PCNX1: variants seen among roughly 807,000 people sequenced by gnomAD.
PCNX1 encodes pecanex 1.
Under a neutral mutation model 242.2 loss-of-function variants are expected in PCNX1, and 78 were observed. That is an observed-to-expected ratio of 0.32 (90% CI 0.27 to 0.39). PCNX1 has a LOEUF of 0.39. Among genes scored for constraint, PCNX1 ranks in the 10% least tolerant of loss-of-function variants. The pLI is 1.00. For synonymous variants in PCNX1, 1,024 were observed against 1,032.9 expected, an observed-to-expected ratio of 0.99 and a Z score of 0.17; for missense variants, 2,581 against 2,856.5, an observed-to-expected ratio of 0.90 and a Z score of 2.20.
At chr14:70,950,092 T>A (rs1386386477) in intron 2 of PCNX1, among the ~76,000 whole-genome samples, 13 of 152,210 alleles carry the variant, frequency 8.5e-5, no homozygotes, top group East Asian at 1.9e-4. Flanking sequence ...CTTTGTTTAT[T>A]CCTTTTCAAT....
intron 19 of PCNX1, among the ~76,000 whole-genome samples, chr14:71,037,518 A>G (rs976653151): frequency 1.6e-4 from 24 of 151,302 alleles, no homozygotes; most frequent in African/African-American, 5.1e-4. Context: ...AATTTTGTCA[A>G]AGGCCTTTTC....
chr14:70,998,369 A>G (rs368237614), intron 8 of PCNX1, among the ~76,000 whole-genome samples: 6 of 152,322 alleles, frequency 3.9e-5, no homozygotes, highest in Middle Eastern at 3.4e-3. Flanking sequence ...AAACAGAGGA[A>G]AAAGTACTTG....
intron 9 of PCNX1, 62 bp from the exon 10 acceptor site, chr14:71,011,430 G>A: frequency 1.1e-6 from 1 of 890,080 alleles, no homozygotes. Flanking sequence ...TCATCTGAAT[G>A]TTAAAGGATA....
intron 30 of PCNX1, chr14:71,093,181 CTTGTTG>C (rs900590781): frequency 2.6e-5 from 4 of 152,066 alleles, no homozygotes; most frequent in African/African-American, 9.7e-5. Flanking sequence ...TGAAGATGCC[CTTGTTG>C]TTACAGAAAA....
At chr14:70,959,221 CT>C (rs35385199) in intron 2 of PCNX1, among the ~76,000 whole-genome samples, 63,374 of 141,390 alleles carry the variant, frequency 0.45, 15,016 homozygotes, top group Non-Finnish European at 0.55. Flanking sequence ...TTCCTGTTAT[CT>C]TTTTTTTTTT....
At chr14:70,961,199 C>T (rs1409420239) in intron 2 of PCNX1, among the ~76,000 whole-genome samples, 11 of 152,140 alleles carry the variant, frequency 7.2e-5, no homozygotes, top group African/African-American at 4.8e-5. Context: ...AAAGAGCCCA[C>T]ATCGCCAAGT....
chr14:70,955,766 T>A (rs886215136), intron 2 of PCNX1, among the ~76,000 whole-genome samples: 1 of 152,206 alleles, frequency 6.6e-6, no homozygotes, highest in African/African-American at 2.4e-5. Flanking sequence ...AGCTATTTTA[T>A]ATGTTTAGCT....
At chr14:70,950,890 G>A (rs982877346) in intron 2 of PCNX1, among the ~76,000 whole-genome samples, 4 of 151,368 alleles carry the variant, frequency 2.6e-5, no homozygotes, top group African/African-American at 9.7e-5. Context: ...TCAGTTTATA[G>A]CATTTTATTT....
chr14:71,091,711 A>G (rs1357419905), intron 30 of PCNX1, among the ~76,000 whole-genome samples: 1 of 152,250 alleles, frequency 6.6e-6, no homozygotes, highest in African/African-American at 2.4e-5. Context: ...CACAGACTAT[A>G]CATGGCAACA....
chr14:70,942,541 A>G (rs1322231715), intron 1 of PCNX1, among the ~76,000 whole-genome samples: 1 of 152,194 alleles, frequency 6.6e-6, no homozygotes, highest in East Asian at 1.9e-4. Context: ...GCTTCAGCAG[A>G]TACCAGCTGG....
intron 26 of PCNX1, among the ~76,000 whole-genome samples, chr14:71,060,285 T>G (rs1052221140): frequency 6.6e-6 from 1 of 152,202 alleles, no homozygotes; most frequent in Non-Finnish European, 1.5e-5. Context: ...CATACAATTA[T>G]GTACAGTACA....
intron 1 of PCNX1, among the ~76,000 whole-genome samples, chr14:70,930,977 G>T (rs1325832787): frequency 6.6e-6 from 1 of 152,054 alleles, no homozygotes; most frequent in African/African-American, 2.4e-5. Context: ...GTCCTTTGGG[G>T]GGCAGCTTAT....
At chr14:70,997,051 A>G (rs1260868948) in intron 8 of PCNX1, among the ~76,000 whole-genome samples, 3 of 152,182 alleles carry the variant, frequency 2.0e-5, no homozygotes, top group Non-Finnish European at 4.4e-5. Context: ...GAAAGCAATA[A>G]AACATTTTAA....
At chr14:70,938,415 T>C in intron 1 of PCNX1, among the ~76,000 whole-genome samples, 1 of 152,236 alleles carries the variant, frequency 6.6e-6, no homozygotes, top group Admixed American at 6.5e-5. Flanking sequence ...TGGTTCTGTT[T>C]ATATGCTGGA....
rs545123759 is a variant in PCNX1, at chr14:71,084,508, G to A, written c.5338-3822G>A. Reference sequence around the variant, plus strand: ...GAGATGGGAGTTTTATCTATAAGCCGCTGACTGGGGCTGCTGCCTTTCAGA... The same window carrying A: ...GAGATGGGAGTTTTATCTATAAGCCACTGACTGGGGCTGCTGCCTTTCAGA... On this transcript the variant is annotated intron_variant, in intron 28 of 35. Coordinates refer to ENST00000304743, the MANE Select transcript of PCNX1 (RefSeq NM_014982.3). Among the ~76,000 whole-genome samples the A allele has an allele frequency of 3.3e-4, 50 of 152,288 alleles. 1 individual carries two copies. The highest frequency in any genetic ancestry group is 9.9e-4 in the African/African-American group (41 of 41,564).
Position 70,977,823 on chromosome 14 carries a change from G to A in PCNX1, c.1486G>A (p.Ala496Thr). 2 of 1,614,120 alleles carry A rather than the reference G, an allele frequency of 1.2e-6. No individual in the cohort carries two copies. Among genetic ancestry groups the A allele is most frequent in the Non-Finnish European group, 1.7e-6 (2 of 1,180,018 alleles). Residue 496 changes from alanine to threonine, a missense_variant, in exon 6 of 36, where the codon GCA (alanine) becomes ACA (threonine). Physicochemically the swap from Ala to Thr is moderately conservative, Grantham distance 58 (BLOSUM62 0). Around this residue, in one of 9 missense-constraint regions of PCNX1, gnomAD observed 1,204 missense variants for 1,216.7 expected, o/e 0.99. Transcript: ENST00000304743. ...ASEEANKNPHANEFTSQGDRP... is the reference protein window; with the variant it reads ...ASEEANKNPHTNEFTSQGDRP... ...TGAAGAAGCCAATAAAAATCCCCAT[G>A]CAAATGAATTTACTTCCCAAGGGGA...
rs2062045496 is a variant in PCNX1 at position 71,088,359 on chromosome 14, A to G, written c.5367A>G (p.Leu1789=). ...KPVDVDKDSS[L]VTLCYGLCVL... Reference sequence around the variant, plus strand: ...TGGATGTGGACAAAGATTCATCCCTAGTGACTCTCTGTTATGGACTCTGTG... The same window carrying G: ...TGGATGTGGACAAAGATTCATCCCTGGTGACTCTCTGTTATGGACTCTGTG... The change falls in exon 29 of 36, where the codon CTA becomes CTG. Residue 1789 remains leucine (L), a synonymous_variant. Transcript: ENST00000304743. The G allele has an allele frequency of 6.2e-7, 1 of 1,610,504 alleles. No homozygotes were observed. Among genetic ancestry groups the G allele is most frequent in the Non-Finnish European group, 8.5e-7 (1 of 1,177,126 alleles).
Position 71,109,000 on chromosome 14 carries a change from C to A in PCNX1, c.6698C>A (p.Ala2233Asp). 3 of 1,613,942 alleles carry A rather than the reference C, an allele frequency of 1.9e-6. No individual in the cohort carries two copies. Among genetic ancestry groups the A allele is most frequent in the Non-Finnish European group, 2.5e-6 (3 of 1,179,908 alleles). The change falls in exon 34 of 36, where the codon GCC (alanine) becomes GAC (aspartate). Residue 2233 changes from alanine to aspartate, a missense_variant. Ala to Asp is a moderately radical substitution (Grantham distance 126, BLOSUM62 -2). This residue lies in a region of PCNX1 where 432 missense variants were observed against 433.6 expected (regional missense o/e 1.00). Coordinates refer to ENST00000304743, the MANE Select transcript of PCNX1 (RefSeq NM_014982.3). ...DAQPGNTLSPANNSHSRKAEV... is the reference protein window; with the variant it reads ...DAQPGNTLSPDNNSHSRKAEV... ...CAGCCAGGCAACACCTTAAGTCCTGCCAACAATTCACACTCCAGAAAGGCA... is the reference window on the plus strand; with the variant it reads ...CAGCCAGGCAACACCTTAAGTCCTGACAACAATTCACACTCCAGAAAGGCA...
chr14:70,994,437 A>G (rs1227035703), intron 7 of PCNX1, among the ~76,000 whole-genome samples: 6 of 142,946 alleles, frequency 4.2e-5, no homozygotes, highest in African/African-American at 1.5e-4. Flanking sequence ...ATATGTATGT[A>G]TGTATGTTTC....
Sources: allele counts gnomAD v4.1 joint callset (sites outside exome capture counted in the v4.1 genomes callset), GRCh38; gene constraint gnomAD v4.1.1; regional missense constraint gnomAD v4.1.1; transcripts MANE v1.5; gene names NCBI Gene and HGNC (gene_info 2026-07-23, HGNC 2026-07-21).